The following PTPRN2 variants were observed in gnomAD, a reference collection of about 807,000 sequenced individuals.
PTPRN2 encodes the protein protein tyrosine phosphatase receptor type N2, also known as receptor-type tyrosine-protein phosphatase N2.
PTPRN2 carries 74 observed loss-of-function variants against 118.8 expected under a neutral mutation model. The observed-to-expected ratio is 0.62, with a 90% CI of 0.52 to 0.76. The LOEUF (loss-of-function observed/expected upper bound fraction) is 0.76, where lower values mean the gene tolerates loss of function less well. Among genes scored for constraint, PTPRN2 ranks in the 30% least tolerant of loss-of-function variants. The pLI, the probability that PTPRN2 is intolerant of heterozygous loss-of-function variation, is 0.00. For missense variants in PTPRN2, 1,481 were observed against 1,394.4 expected, an observed-to-expected ratio of 1.06 and a Z score of -0.99; for synonymous variants, 641 against 608.0, an observed-to-expected ratio of 1.05 and a Z score of -0.80.
chr7:157,631,705 A>G (rs918161391), intron 14 of PTPRN2, among the ~76,000 whole-genome samples: 2 of 152,128 alleles, frequency 1.3e-5, no homozygotes, highest in Non-Finnish European at 2.9e-5. Flanking sequence ...GGTGGTGGGC[A>G]CCTGTAGTCC....
At chr7:157,849,856 C>T (rs1442165778) in intron 12 of PTPRN2, among the ~76,000 whole-genome samples, 3 of 152,138 alleles carry the variant, frequency 2.0e-5, no homozygotes, top group Non-Finnish European at 2.9e-5. Flanking sequence ...ACTTAGGGTT[C>T]GATCACCATG....
chr7:157,585,826 G>A lies in PTPRN2; in HGVS notation c.2497-7686C>T, dbSNP rs144405932. 1.8e-3 allele frequency among the ~76,000 whole-genome samples: 267 copies of A among 152,352 alleles called. 3 individuals are homozygous for A. Among genetic ancestry groups the A allele is most frequent in the African/African-American group, 6.3e-3 (263 of 41,582 alleles). ...ACACACAGGAGCAGCAGAGCCTGCT[G>A]TTCTCAGCTGGAGCAGTAAGAATCA... is the stretch of plus-strand genomic sequence containing the variant. On this transcript the variant is annotated intron_variant, in intron 17 of 22. Coordinates refer to ENST00000389418, the MANE Select transcript of PTPRN2 (RefSeq NM_002847.5). This position sits in a 1 kb window ranked among gnomAD's most constrained non-coding sequence, Gnocchi z 5.2.
chr7:158,022,291 G>A lies in PTPRN2; in HGVS notation c.1723+59007C>T, dbSNP rs1038199394. Among the ~76,000 whole-genome samples, 14 of 152,190 alleles carry A rather than the reference G, an allele frequency of 9.2e-5. No individual in the cohort carries two copies. Among genetic ancestry groups the A allele is most frequent in the Admixed American group, 7.2e-4 (11 of 15,282 alleles). ...ATGACTCCGTTTCCTACACGGTTCC[G>A]AGCGTTTTCCATCCTTCCTGACGGC... On this transcript the variant is annotated intron_variant, in intron 11 of 22. Coordinates refer to ENST00000389418, the MANE Select transcript of PTPRN2 (RefSeq NM_002847.5). The surrounding 1 kb of genome is among the most constrained non-coding windows in gnomAD (Gnocchi z 4.6).
In PTPRN2 at chr7:157,603,910, C is replaced by G. The variant is rs566367892; in HGVS notation, c.2418+92G>C. On this transcript the variant is annotated intron_variant, in intron 16 of 22. Transcript: ENST00000389418. This position sits in a 1 kb window ranked among gnomAD's most constrained non-coding sequence, Gnocchi z 5.4. ...GCAGAGACGCTGAGCTGGGTGGGGACGTGATTTCCCCCGAGAACCTTCCCA... is the reference window on the plus strand; with the variant it reads ...GCAGAGACGCTGAGCTGGGTGGGGAGGTGATTTCCCCCGAGAACCTTCCCA... 2.4e-6 allele frequency: 3 copies of G among 1,235,668 alleles called. No homozygotes were observed. The highest frequency in any genetic ancestry group is 3.5e-6 in the Non-Finnish European group (3 of 859,994). The allele number at this position is 1,235,668 out of a possible 1,614,324, so 76.5% of individuals were successfully genotyped here.
chr7:158,536,766 C>T (rs1028365011), intron 1 of PTPRN2, among the ~76,000 whole-genome samples: 2 of 149,732 alleles, frequency 1.3e-5, no homozygotes, highest in Non-Finnish European at 3.0e-5. Flanking sequence ...ATCGACAAGA[C>T]GAGACTCAGG....
chr7:158,143,565 G>C (rs1819590535), intron 6 of PTPRN2, among the ~76,000 whole-genome samples: 1 of 152,206 alleles, frequency 6.6e-6, no homozygotes, highest in African/African-American at 2.4e-5. Flanking sequence ...GGGAGGTGAG[G>C]AATGAGTGGT....
chr7:157,887,206 T>G (rs1796504398), intron 12 of PTPRN2, among the ~76,000 whole-genome samples: 1 of 152,120 alleles, frequency 6.6e-6, no homozygotes. Flanking sequence ...CAGAGCTGCC[T>G]GGGCTGGGCT....
intron 11 of PTPRN2, among the ~76,000 whole-genome samples, chr7:157,920,717 T>A (rs1409098751): frequency 6.6e-6 from 1 of 152,214 alleles, no homozygotes; most frequent in Non-Finnish European, 1.5e-5. Flanking sequence ...ACCAATGGGA[T>A]ACTCACATGC....
chr7:157,654,317 A>G lies in PTPRN2; in HGVS notation c.2196+2040T>C, dbSNP rs866624822. On this transcript the variant is annotated intron_variant, in intron 14 of 22. Transcript: ENST00000389418. ...CGCTCCCCACACCCTCCCCAACTCCACACTGTGCCCGCCGCTCCCCACACC... is the reference window on the plus strand; with the variant it reads ...CGCTCCCCACACCCTCCCCAACTCCGCACTGTGCCCGCCGCTCCCCACACC... Among the ~76,000 whole-genome samples the G allele has an allele frequency of 1.7e-4, 18 of 104,750 alleles. No homozygotes were observed. The South Asian group carries it at 5.6e-3, about 33-fold the overall frequency. The allele number at this position is 104,750 out of a possible 152,430, so 68.7% of individuals were successfully genotyped here.
rs115636082 is a variant in PTPRN2, at chr7:157,686,972, T to C, written c.1789-4035A>G. Among the ~76,000 whole-genome samples, 773 of 152,332 alleles carry C rather than the reference T, an allele frequency of 5.1e-3. 5 individuals are homozygous for C. The highest frequency in any genetic ancestry group is 0.018 in the African/African-American group (730 of 41,562). The stretch of plus-strand genomic sequence containing the variant: ...GAATAAGATGAAGTACAATATCGCA[T>C]ATTTCTTCCTCTCAACCGTCTGCAC... On this transcript the variant is annotated intron_variant, in intron 12 of 22. Coordinates refer to ENST00000389418, the MANE Select transcript of PTPRN2 (RefSeq NM_002847.5).
At chr7:158,121,810 C>T (rs1817197521) in intron 9 of PTPRN2, among the ~76,000 whole-genome samples, 1 of 152,230 alleles carries the variant, frequency 6.6e-6, no homozygotes, top group African/African-American at 2.4e-5. Flanking sequence ...CCCTTCCTTC[C>T]TCAGCCTGGC....
chr7:157,820,331 ACAGT>A (rs2151138127), intron 12 of PTPRN2, among the ~76,000 whole-genome samples: 1 of 145,158 alleles, frequency 6.9e-6, no homozygotes, highest in African/African-American at 2.6e-5. Flanking sequence ...CACACACAAC[ACAGT>A]CACATATGCA....
intron 2 of PTPRN2, among the ~76,000 whole-genome samples, chr7:158,454,827 G>C (rs190148919): frequency 1.3e-5 from 2 of 152,102 alleles, no homozygotes; most frequent in Non-Finnish European, 1.5e-5. Context: ...TGTTGACCTC[G>C]AACATCCCCC....
In PTPRN2 at chr7:157,725,676, C is replaced by G. The variant is rs1424482869; in HGVS notation, c.1789-42739G>C. Among the ~76,000 whole-genome samples, 3 of 127,518 alleles carry G rather than the reference C, an allele frequency of 2.4e-5. No homozygotes were observed. The East Asian group carries it at 6.7e-4, about 29-fold the overall frequency. 83.7% of individuals were successfully genotyped at this position (127,518 alleles called of 152,430 possible). A position where few individuals can be genotyped will look rare whatever the true frequency, so the allele number is the denominator to read the frequency against. On this transcript the variant is annotated intron_variant, in intron 12 of 22. Coordinates refer to ENST00000389418, the MANE Select transcript of PTPRN2 (RefSeq NM_002847.5). The stretch of plus-strand genomic sequence containing the variant: ...GATATCTACACACAGAGGAGTGAGC[C>G]AGACCCTCGCCTCCCAGGAGAACTG...
At chr7:157,895,555 T>C (rs1342413438) in intron 12 of PTPRN2, among the ~76,000 whole-genome samples, 1 of 152,214 alleles carries the variant, frequency 6.6e-6, no homozygotes, top group Admixed American at 6.5e-5. Flanking sequence ...AAATAAAAAT[T>C]TTTTTCTAAG....
chr7:157,933,887 G>A (rs533502691), intron 11 of PTPRN2, among the ~76,000 whole-genome samples: 2 of 148,668 alleles, frequency 1.3e-5, no homozygotes, highest in African/African-American at 2.5e-5. Context: ...TTTTAGTGGA[G>A]GGATGAGTCA....
chr7:158,000,118 C>G (rs1365134340), intron 11 of PTPRN2, among the ~76,000 whole-genome samples: 1 of 152,098 alleles, frequency 6.6e-6, no homozygotes, highest in African/African-American at 2.4e-5. Context: ...AACTCCTGAC[C>G]TCAAATGATC....
intron 2 of PTPRN2, among the ~76,000 whole-genome samples, chr7:158,365,834 G>A (rs1225356206): frequency 3.8e-4 from 7 of 18,376 alleles, no homozygotes; most frequent in Admixed American, 1.2e-3. Flanking sequence ...CAGTGCATGC[G>A]TGCACACACA....
intron 3 of PTPRN2, among the ~76,000 whole-genome samples, chr7:158,244,816 GT>G (rs1475212526): frequency 7.2e-6 from 1 of 139,176 alleles, no homozygotes; most frequent in East Asian, 2.1e-4. Context: ...GTGAGAGTGT[GT>G]ATGAGTGTGA....
Sources: gnomAD v4.1 joint callset for allele counts (sites outside exome capture counted in the v4.1 genomes callset) on GRCh38, gnomAD v4.1.1 for gene constraint, Gnocchi (gnomAD v3.1) non-coding constraint, MANE v1.5 for transcripts, NCBI Gene and HGNC (gene_info 2026-07-23, HGNC 2026-07-21) for gene names.